Variants in PRDM5 observed in about 807,000 individuals in gnomAD.
PRDM5 encodes the protein PR domain zinc finger protein 5.
A neutral mutation model predicts 81.2 loss-of-function variants in PRDM5; 56 were observed. That is an observed-to-expected ratio of 0.69 (90% CI 0.56 to 0.86). PRDM5 has a LOEUF of 0.86. PRDM5 is among the 40% of genes least tolerant of loss of function. The pLI, the probability that PRDM5 is intolerant of heterozygous loss-of-function variation, is 0.00. For synonymous variants in PRDM5, 267 were observed against 256.4 expected, an observed-to-expected ratio of 1.04 and a Z score of -0.39; for missense variants, 697 against 770.1, an observed-to-expected ratio of 0.91 and a Z score of 1.12.
chr4:120,863,930 G>T (rs899857721), intron 2 of PRDM5, among the ~76,000 whole-genome samples: 8 of 152,188 alleles, frequency 5.3e-5, no homozygotes, highest in Non-Finnish European at 1.0e-4. Flanking sequence ...AAATTTTGTG[G>T]CTGGAGCAGC....
At chr4:120,891,338 C>T (rs912764758) in intron 2 of PRDM5, among the ~76,000 whole-genome samples, 11 of 152,202 alleles carry the variant, frequency 7.2e-5, no homozygotes, top group Admixed American at 7.2e-4. Context: ...TCATAATTGT[C>T]TCTGAGGGTT....
chr4:120,790,432 AG>A (rs1483333720), intron 10 of PRDM5, among the ~76,000 whole-genome samples: 1 of 152,204 alleles, frequency 6.6e-6, no homozygotes, highest in African/African-American at 2.4e-5. Flanking sequence ...AAAAATAGGC[AG>A]CCTAATATTA....
chr4:120,891,489 A>G (rs537500994), intron 2 of PRDM5, among the ~76,000 whole-genome samples: 1 of 151,970 alleles, frequency 6.6e-6, no homozygotes, highest in South Asian at 2.1e-4. Flanking sequence ...CAGCTTCTAG[A>G]CCCTTTGATC....
intron 14 of PRDM5, among the ~76,000 whole-genome samples, chr4:120,716,181 T>C (rs936065183): frequency 3.3e-5 from 5 of 152,220 alleles, no homozygotes; most frequent in Non-Finnish European, 5.9e-5. Flanking sequence ...ATACATGCTA[T>C]TGCTGATTAA....
intron 13 of PRDM5, among the ~76,000 whole-genome samples, chr4:120,760,515 C>T (rs1380746592): frequency 6.6e-6 from 1 of 152,032 alleles, no homozygotes; most frequent in Non-Finnish European, 1.5e-5. Context: ...ATAATATTTA[C>T]ATATATACAC....
At chr4:120,706,973 T>C (rs560121250) in intron 15 of PRDM5, among the ~76,000 whole-genome samples, 1 of 147,682 alleles carries the variant, frequency 6.8e-6, no homozygotes, top group Admixed American at 6.8e-5. Context: ...GCTTCACTGA[T>C]AAATGCTACC....
At position 120,835,259 on chromosome 4, in the gene PRDM5, C is replaced by T. The variant is rs75349251; in HGVS notation, c.301-13914G>A. On this transcript the variant is annotated intron_variant, in intron 3 of 15. Transcript: ENST00000264808. ...AATAAAAATAACTTGATGAATGTGA[C>T]GACAAAGAGCAGCACAGTACTACTG... 6.0e-3 allele frequency among the ~76,000 whole-genome samples: 918 copies of T among 152,160 alleles called. 9 individuals are homozygous for T. Among genetic ancestry groups the T allele is most frequent in the African/African-American group, 0.02 (810 of 41,504 alleles).
At chr4:120,906,031 G>A (rs1765757148) in intron 2 of PRDM5, among the ~76,000 whole-genome samples, 1 of 152,082 alleles carries the variant, frequency 6.6e-6, no homozygotes, top group Admixed American at 6.6e-5. Flanking sequence ...GAGTGCAGTG[G>A]CAAGATCATA....
At chr4:120,731,385 T>C (rs1407168858) in intron 14 of PRDM5, among the ~76,000 whole-genome samples, 1 of 150,098 alleles carries the variant, frequency 6.7e-6, no homozygotes, top group Non-Finnish European at 1.5e-5. Flanking sequence ...TTTTTTTTTT[T>C]ACAAAAATTT....
chr4:120,754,060 C>T (rs1035865802), intron 14 of PRDM5, among the ~76,000 whole-genome samples: 1 of 152,158 alleles, frequency 6.6e-6, no homozygotes, highest in Non-Finnish European at 1.5e-5. Flanking sequence ...TAAGCCACAG[C>T]ACTAGGCATG....
intron 14 of PRDM5, among the ~76,000 whole-genome samples, chr4:120,718,967 T>C (rs904418630): frequency 6.6e-6 from 1 of 152,196 alleles, no homozygotes; most frequent in African/African-American, 2.4e-5. Context: ...GCCTCAACTG[T>C]GAGGAAGATT....
chr4:120,766,560 AT>A, intron 13 of PRDM5, among the ~76,000 whole-genome samples: 1 of 152,324 alleles, frequency 6.6e-6, no homozygotes, highest in South Asian at 2.1e-4. Flanking sequence ...ACAAGAAAAT[AT>A]TGTCAAACAT....
chr4:120,892,103 T>C (rs1764114077), intron 2 of PRDM5, among the ~76,000 whole-genome samples: 1 of 151,204 alleles, frequency 6.6e-6, no homozygotes, highest in Non-Finnish European at 1.5e-5. Flanking sequence ...TTAATTTCCA[T>C]ATAGTTGTGT....
At chr4:120,741,401 T>G (rs1283866394) in intron 14 of PRDM5, among the ~76,000 whole-genome samples, 1 of 151,750 alleles carries the variant, frequency 6.6e-6, no homozygotes, top group East Asian at 2.0e-4. Flanking sequence ...TGGTCAAAAT[T>G]TTTGGTTATC....
intron 3 of PRDM5, among the ~76,000 whole-genome samples, chr4:120,843,499 T>C (rs1328520759): frequency 6.6e-6 from 1 of 151,108 alleles, no homozygotes; most frequent in African/African-American, 2.4e-5. Context: ...GTACAAGAGT[T>C]CAAGGCCAGC....
intron 2 of PRDM5, among the ~76,000 whole-genome samples, chr4:120,879,830 T>C (rs547048988): frequency 1.3e-5 from 2 of 151,560 alleles, no homozygotes; most frequent in Admixed American, 6.6e-5. Context: ...ACTATGGAGA[T>C]AGTTAAAAAA....
At chr4:120,701,652 G>A (rs781639558) in intron 15 of PRDM5, among the ~76,000 whole-genome samples, 2 of 152,038 alleles carry the variant, frequency 1.3e-5, no homozygotes, top group Non-Finnish European at 2.9e-5. Context: ...TAACAATAGC[G>A]ACTGGGGACT....
intron 11 of PRDM5, among the ~76,000 whole-genome samples, chr4:120,783,838 C>T (rs1428039118): frequency 2.0e-5 from 3 of 152,052 alleles, no homozygotes; most frequent in Non-Finnish European, 1.5e-5. Context: ...AGAATCATTA[C>T]CACTCAATAC....
At chr4:120,874,281 T>C (rs1762129915) in intron 2 of PRDM5, among the ~76,000 whole-genome samples, 1 of 152,206 alleles carries the variant, frequency 6.6e-6, no homozygotes, top group South Asian at 2.1e-4. Context: ...CAGCAGCTTC[T>C]ATTATTGAAG....
Sources: allele counts gnomAD v4.1 joint callset (sites outside exome capture counted in the v4.1 genomes callset), GRCh38; gene constraint gnomAD v4.1.1; transcripts MANE v1.5; gene names NCBI Gene and HGNC (gene_info 2026-07-23, HGNC 2026-07-21).